Variants in ANKRD30B observed in about 807,000 individuals in gnomAD.
The protein encoded by ANKRD30B is ankyrin repeat domain 30B.
Under a neutral mutation model 202.2 loss-of-function variants are expected in ANKRD30B, and 144 were observed. That is an observed-to-expected ratio of 0.71 (90% confidence interval 0.62 to 0.82). The LOEUF (loss-of-function observed/expected upper bound fraction) is 0.82. Among genes scored for constraint, ANKRD30B ranks in the 40% least tolerant of loss-of-function variants. The pLI is 0.00. For synonymous variants in ANKRD30B, 508 were observed against 561.3 expected (o/e 0.91, Z 1.34); for missense variants, 1,487 against 1,669.1 (o/e 0.89, Z 1.90).
chr18:14,853,917 CA>C lies in ANKRD30B; in HGVS notation c.*8del, dbSNP rs1488497023. Reference sequence around the variant, plus strand: ...CTCTCTGAGGCATCAATAGAGGCTACATCACATTATCACATTAATCTCAAAG... The same window carrying C: ...CTCTCTGAGGCATCAATAGAGGCTACTCACATTATCACATTAATCTCAAAG... On this transcript the variant is annotated 3_prime_UTR_variant, in exon 43 of 44. Transcript: ENST00000690538. Among the ~76,000 whole-genome samples, 1 of 152,144 alleles carries C rather than the reference CA, an allele frequency of 6.6e-6. No homozygotes were observed. The highest frequency in any genetic ancestry group is 1.5e-5 in the Non-Finnish European group (1 of 68,020).
At position 14,791,450 on chromosome 18, in the gene ANKRD30B, C is replaced by A. The variant is rs1350259953; in HGVS notation, c.1784C>A (p.Thr595Lys). 4 of 1,611,082 alleles carry A rather than the reference C, an allele frequency of 2.5e-6. No individual in the cohort carries two copies. The highest frequency in any genetic ancestry group is 1.3e-5 in the African/African-American group (1 of 74,828). ...SQKDVYLPKA[T>K]HQKEFDTLSG... ...AAGGATGTGTATTTACCCAAAGCTA[C>A]ACATCAAAAAGAATTCGATACCTTA... The change falls in exon 16 of 44, where the codon ACA becomes AAA. Residue 595 changes from threonine to lysine, a missense_variant. This residue lies in a region of ANKRD30B where 889 missense variants were observed against 841.4 expected (regional missense o/e 1.06). Transcript: ENST00000690538.
Position 14,803,814 on chromosome 18 carries a change from A to G in ANKRD30B, c.2274A>G (p.Gly758=), listed in dbSNP as rs1969341034. ...AAAAAGAATTCGATACCTTAAGTGGAAAATTAGAAGGTAAGAACCATATTT... is the reference window on the plus strand; with the variant it reads ...AAAAAGAATTCGATACCTTAAGTGGGAAATTAGAAGGTAAGAACCATATTT... ...THQKEFDTLS[G]KLEESPDKDG... The change falls in exon 24 of 44, where the codon GGA becomes GGG. Residue 758 remains glycine, a synonymous_variant. Coordinates refer to ENST00000690538, the MANE Select transcript of ANKRD30B (RefSeq NM_001367607.2). 1 of 1,599,876 alleles carries G rather than the reference A, an allele frequency of 6.3e-7. No individual in the cohort carries two copies. The highest frequency in any genetic ancestry group is 1.4e-5 in the African/African-American group (1 of 72,848).
the ANKRD30B span, among the ~76,000 whole-genome samples, chr18:14,868,429 C>T: frequency 7.5e-3 from 1,144 of 151,656 alleles, 1 homozygote; most frequent in African/African-American, 0.027. Context: ...ATTTGTGTAT[C>T]TTTTTGTTTT....
At chr18:14,842,353 T>C (rs1377427299) in intron 37 of ANKRD30B, among the ~76,000 whole-genome samples, 1 of 152,232 alleles carries the variant, frequency 6.6e-6, no homozygotes, top group Non-Finnish European at 1.5e-5. Context: ...TTTAGTATTA[T>C]CCATTAAGTA....
At chr18:14,933,233 A>G in the ANKRD30B span, among the ~76,000 whole-genome samples, 1 of 152,248 alleles carries the variant, frequency 6.6e-6, no homozygotes, top group South Asian at 2.1e-4. Context: ...CCTCCTCTGC[A>G]TGCAGGGTCC....
At chr18:14,890,184 G>C in the ANKRD30B span, 1 of 615,964 alleles carries the variant, frequency 1.6e-6, no homozygotes, top group Non-Finnish European at 2.9e-6. Flanking sequence ...GTTTTAATCG[G>C]AAGTTTTTAA....
chr18:14,797,748 A>C (rs747676874), intron 19 of ANKRD30B, 34 bp from the exon 20 acceptor site: 1 of 1,597,864 alleles, frequency 6.3e-7, no homozygotes, highest in East Asian at 2.3e-5. Context: ...AGTGTACATT[A>C]TATATTAATT....
the ANKRD30B span, among the ~76,000 whole-genome samples, chr18:14,863,097 C>G: frequency 1.3e-5 from 2 of 152,134 alleles, no homozygotes; most frequent in Admixed American, 6.5e-5. Context: ...TGAGTTGATG[C>G]TGAAACAGCT....
intron 39 of ANKRD30B, among the ~76,000 whole-genome samples, chr18:14,844,329 T>G (rs2487181): frequency 6.6e-6 from 1 of 152,348 alleles, no homozygotes; most frequent in Admixed American, 6.5e-5. Flanking sequence ...ATGTACAATC[T>G]TCTACTTTAA....
Position 14,791,426 on chromosome 18 carries a change from A to C in ANKRD30B, c.1760A>C (p.Lys587Thr), listed in dbSNP as rs1467955642. The C allele has an allele frequency of 7.5e-6, 12 of 1,609,862 alleles. No homozygotes were observed. The highest frequency in any genetic ancestry group is 9.3e-6 in the Non-Finnish European group (11 of 1,178,692). Residue 587 changes from lysine to threonine, a missense_variant, in exon 16 of 44, where the codon AAG (lysine) becomes ACG (threonine). Coordinates refer to ENST00000690538, the MANE Select transcript of ANKRD30B (RefSeq NM_001367607.2). ...SESPCETVSQ[K>T]DVYLPKATHQ... ...AGTCCCTGTGAGACGGTTTCACAGAAGGATGTGTATTTACCCAAAGCTACA... is the reference window on the plus strand; with the variant it reads ...AGTCCCTGTGAGACGGTTTCACAGACGGATGTGTATTTACCCAAAGCTACA...
chr18:14,748,567 C>A lies in ANKRD30B; in HGVS notation c.148C>A (p.Gln50Lys). ...GATCCATACAGCTGCCTCCCGGGGC[C>A]AAGTCCAGAAGCTGGAGAAGATGAC... The part of the protein sequence containing the change: ...GKIHTAASRG[Q>K]VQKLEKMTVG... The change falls in exon 1 of 44, where the codon CAA (glutamine) becomes AAA (lysine). Residue 50 changes from glutamine to lysine, a missense_variant. Transcript: ENST00000690538. 6.4e-7 allele frequency: 1 copy of A among 1,561,614 alleles called. No individual in the cohort carries two copies. The highest frequency in any genetic ancestry group is 8.7e-7 in the Non-Finnish European group (1 of 1,152,568).
chr18:14,800,351 A>G (rs1236260133), intron 22 of ANKRD30B, among the ~76,000 whole-genome samples: 2 of 149,628 alleles, frequency 1.3e-5, no homozygotes, highest in Admixed American at 6.6e-5. Flanking sequence ...TGTCTCGCCC[A>G]TCTCGTTGTC....
At chr18:14,759,091 C>G (rs1367856896) in intron 5 of ANKRD30B, 1 of 152,162 alleles carries the variant, frequency 6.6e-6, no homozygotes, top group Non-Finnish European at 1.5e-5. Flanking sequence ...TGAAGGCATT[C>G]AATAGACTTC....
chr18:14,881,797 C>G, the ANKRD30B span, among the ~76,000 whole-genome samples: 1 of 151,496 alleles, frequency 6.6e-6, no homozygotes, highest in African/African-American at 2.4e-5. Context: ...TATTGGTCTG[C>G]TTGGGGTATC....
chr18:14,901,806 A>G, the ANKRD30B span, among the ~76,000 whole-genome samples: 3 of 152,180 alleles, frequency 2.0e-5, no homozygotes, highest in Admixed American at 1.3e-4. Context: ...TTGAGATGTC[A>G]TATTTTCAGA....
At chr18:14,833,128 G>C (rs1381896820) in intron 34 of ANKRD30B, among the ~76,000 whole-genome samples, 1 of 152,000 alleles carries the variant, frequency 6.6e-6, no homozygotes, top group Non-Finnish European at 1.5e-5. Context: ...GTAGAGACAG[G>C]GTGTCACCAT....
Position 14,782,538 on chromosome 18 carries a change from G to C in ANKRD30B, c.1494G>C (p.Glu498Asp). The change falls in exon 12 of 44, where the codon GAG (glutamate) becomes GAC (aspartate). Residue 498 changes from glutamate (E) to aspartate (D), a missense_variant. Physicochemically the swap from Glu to Asp is conservative, Grantham distance 45. Coordinates refer to ENST00000690538, the MANE Select transcript of ANKRD30B (RefSeq NM_001367607.2). ...EYSWDSGSLF[E>D]SSAKTQVCIP... Reference sequence around the variant, plus strand: ...ACTACTTTTAACAGAGTCTCTTTGAGAGTTCTGCAAAGACTCAAGTGTGTA... The same window carrying C: ...ACTACTTTTAACAGAGTCTCTTTGACAGTTCTGCAAAGACTCAAGTGTGTA... 20 of 1,581,780 alleles carry C rather than the reference G, an allele frequency of 1.3e-5. No homozygotes were observed. The highest frequency in any genetic ancestry group is 1.7e-5 in the Non-Finnish European group (20 of 1,167,486).
chr18:14,935,007 C>T, the ANKRD30B span, among the ~76,000 whole-genome samples: 1 of 152,138 alleles, frequency 6.6e-6, no homozygotes, highest in African/African-American at 2.4e-5. Context: ...CCCTCACAGA[C>T]AGGACTGCGC....
the ANKRD30B span, among the ~76,000 whole-genome samples, chr18:14,863,471 C>A: frequency 6.6e-6 from 1 of 152,020 alleles, no homozygotes; most frequent in African/African-American, 2.4e-5. Context: ...TGGATGCTTT[C>A]TGAGGTCTCA....
Sources: allele counts gnomAD v4.1 joint callset (sites outside exome capture counted in the v4.1 genomes callset), GRCh38; gene constraint gnomAD v4.1.1; regional missense constraint gnomAD v4.1.1; transcripts MANE v1.5; gene names NCBI Gene and HGNC (gene_info 2026-07-23, HGNC 2026-07-21).